The following CSMD1 variants were observed in gnomAD, a reference collection of about 807,000 sequenced individuals.
CSMD1 encodes CUB and sushi domain-containing protein 1.
A neutral mutation model predicts 417.5 loss-of-function variants in CSMD1; 213 were observed. The ratio of observed to expected loss-of-function variants is 0.51; its 90% CI spans 0.46 to 0.57. The LOEUF (loss-of-function observed/expected upper bound fraction) is 0.57, where lower values mean the gene tolerates loss of function less well. Among genes scored for constraint, CSMD1 ranks in the 20% least tolerant of loss-of-function variants. The probability of loss-of-function intolerance (pLI) is 0.00; values close to 1 mark genes in which losing one functional copy is unlikely to be tolerated. For missense variants in CSMD1, 6,923 were observed against 4,529.7 expected (o/e 1.53, Z -15.17); for synonymous variants, 2,862 against 1,736.8 (o/e 1.65, Z -16.11).
chr8:2,943,593 A>G (rs1432344990), intron 68 of CSMD1, among the ~76,000 whole-genome samples: 1 of 152,228 alleles, frequency 6.6e-6, no homozygotes, highest in East Asian at 1.9e-4. Context: ...CATGAAGGTG[A>G]TAGAATCAGC....
intron 2 of CSMD1, among the ~76,000 whole-genome samples, chr8:4,611,765 T>C (rs546271945): frequency 3.9e-5 from 6 of 152,312 alleles, no homozygotes; most frequent in African/African-American, 1.4e-4. Flanking sequence ...ATTCAAAATG[T>C]AGCAAAATTA....
At chr8:4,210,026 T>C (rs539931330) in intron 3 of CSMD1, among the ~76,000 whole-genome samples, 231 of 152,288 alleles carry the variant, frequency 1.5e-3, no homozygotes, top group African/African-American at 5.3e-3. Context: ...GCTAGTTCTC[T>C]ATTTGGTCCA....
At chr8:4,038,781 A>C (rs1328759031) in intron 3 of CSMD1, among the ~76,000 whole-genome samples, 1 of 152,222 alleles carries the variant, frequency 6.6e-6, no homozygotes, top group Non-Finnish European at 1.5e-5. Context: ...TTCTTGAAAG[A>C]GCTCTGGGCA....
At chr8:4,294,137 T>A (rs990918448) in intron 3 of CSMD1, among the ~76,000 whole-genome samples, 3 of 152,174 alleles carry the variant, frequency 2.0e-5, no homozygotes, top group Non-Finnish European at 2.9e-5. Context: ...CACTGACGTC[T>A]GATTAACCCC....
At chr8:3,987,081 T>C (rs1198629162) in intron 5 of CSMD1, among the ~76,000 whole-genome samples, 1 of 152,218 alleles carries the variant, frequency 6.6e-6, no homozygotes, top group East Asian at 1.9e-4. Context: ...TTCTATCATT[T>C]TGTGAAAACG....
chr8:3,493,886 A>G (rs1012849978), intron 10 of CSMD1, among the ~76,000 whole-genome samples, 160 bp from the exon 11 acceptor site: 1 of 152,182 alleles, frequency 6.6e-6, no homozygotes, highest in African/African-American at 2.4e-5. Flanking sequence ...ATAATTATAT[A>G]TATTTGATAG....
rs770519363 is a variant in CSMD1, at chr8:3,188,897, G to A, written c.5513C>T (p.Ser1838Leu). The A allele has an allele frequency of 8.9e-6, 14 of 1,572,608 alleles. No individual in the cohort carries two copies. The East Asian group carries it at 1.2e-4, about 13-fold the overall frequency. The part of the protein sequence containing the change: ...CIWKIIVTEG[S>L]GIQIQVISFA... ...ACTTCAAGGACTCACCTGAATTCCC[G>A]AGCCCTCCGTAACTATGATCTTCCA... Residue 1838 changes from serine to leucine, a missense_variant, in exon 35 of 70, where the codon TCG becomes TTG. Ser to Leu is a moderately radical substitution (Grantham distance 145, BLOSUM62 -2). Coordinates refer to ENST00000635120, the MANE Select transcript of CSMD1 (RefSeq NM_033225.6).
intron 1 of CSMD1, among the ~76,000 whole-genome samples, chr8:4,802,239 T>C (rs1466601609): frequency 2.0e-5 from 3 of 152,172 alleles, no homozygotes; most frequent in Non-Finnish European, 4.4e-5. Flanking sequence ...CTAGTAGTGT[T>C]TGCCCTTTTC....
chr8:4,050,730 G>T (rs183751886), intron 3 of CSMD1, among the ~76,000 whole-genome samples: 1 of 151,998 alleles, frequency 6.6e-6, no homozygotes, highest in African/African-American at 2.4e-5. Flanking sequence ...GTGAGTAAAT[G>T]AATTAAGTCA....
At chr8:3,333,820 T>C (rs1245076554) in intron 23 of CSMD1, among the ~76,000 whole-genome samples, 1 of 152,244 alleles carries the variant, frequency 6.6e-6, no homozygotes, top group Non-Finnish European at 1.5e-5. Context: ...CAGTGAATGC[T>C]ATTCTTTGAA....
chr8:4,660,086 A>G (rs1473478150), intron 1 of CSMD1, among the ~76,000 whole-genome samples: 2 of 149,498 alleles, frequency 1.3e-5, no homozygotes, highest in Non-Finnish European at 3.0e-5. Flanking sequence ...CTCTTATTCA[A>G]TATATAATTG....
At position 4,400,275 on chromosome 8, in the gene CSMD1, A is replaced by G. The variant is rs565649655; in HGVS notation, c.415+19678T>C. 2.3e-3 allele frequency among the ~76,000 whole-genome samples: 344 copies of G among 152,350 alleles called. 2 individuals carry two copies. The highest frequency in any genetic ancestry group is 7.9e-3 in the African/African-American group (329 of 41,582). Reference sequence around the variant, plus strand: ...TGGCTCTCTGGTTTAATGAATTAAAATAAGTAAGATACTAGCAAATGGGAT... The same window carrying G: ...TGGCTCTCTGGTTTAATGAATTAAAGTAAGTAAGATACTAGCAAATGGGAT... On this transcript the variant is annotated intron_variant, in intron 3 of 69. Coordinates refer to ENST00000635120, the MANE Select transcript of CSMD1 (RefSeq NM_033225.6).
chr8:4,374,203 G>C (rs896378116), intron 3 of CSMD1, among the ~76,000 whole-genome samples: 2 of 152,104 alleles, frequency 1.3e-5, no homozygotes, highest in African/African-American at 2.4e-5. Context: ...GGTTAGCTTT[G>C]AGGAAGGATT....
Position 3,108,674 on chromosome 8 carries a change from G to A in CSMD1, c.6683C>T (p.Ser2228Phe). 1.2e-6 allele frequency: 2 copies of A among 1,613,752 alleles called. No individual in the cohort carries two copies. The highest frequency in any genetic ancestry group is 1.7e-6 in the Non-Finnish European group (2 of 1,179,796). ...GAACTTGAGCAGGACTTGGTTGGTGGAGCTATACGCCGTTTCGAGGGCTGT... is the reference window on the plus strand; with the variant it reads ...GAACTTGAGCAGGACTTGGTTGGTGAAGCTATACGCCGTTTCGAGGGCTGT... ...GNTALETAYS[S>F]TNQVLLKFHS... Residue 2228 changes from serine to phenylalanine, a missense_variant, in exon 44 of 70, where the codon TCC (serine) becomes TTC (phenylalanine). Transcript: ENST00000635120.
intron 2 of CSMD1, among the ~76,000 whole-genome samples, chr8:4,466,159 T>C (rs988576651): frequency 3.9e-5 from 6 of 152,190 alleles, no homozygotes; most frequent in African/African-American, 1.4e-4. Context: ...GAGAGAGTCT[T>C]ACTCCGTGGT....
At chr8:3,364,983 G>T (rs975006444) in intron 20 of CSMD1, among the ~76,000 whole-genome samples, 1 of 152,164 alleles carries the variant, frequency 6.6e-6, no homozygotes, top group African/African-American at 2.4e-5. Flanking sequence ...AACACCTGCA[G>T]AAGTGAACTG....
chr8:3,152,466 T>C (rs1311112821), intron 39 of CSMD1, among the ~76,000 whole-genome samples: 2 of 152,242 alleles, frequency 1.3e-5, no homozygotes, highest in African/African-American at 2.4e-5. Flanking sequence ...AAATATTTTC[T>C]GGAAGCCCTC....
chr8:4,177,514 A>C (rs989809802), intron 3 of CSMD1, among the ~76,000 whole-genome samples: 2 of 152,212 alleles, frequency 1.3e-5, no homozygotes, highest in East Asian at 1.9e-4. Flanking sequence ...CATCACAATT[A>C]AAAGAACTAG....
chr8:4,677,840 A>G (rs1439762794), intron 1 of CSMD1, among the ~76,000 whole-genome samples: 3 of 152,188 alleles, frequency 2.0e-5, no homozygotes, highest in African/African-American at 7.2e-5. Flanking sequence ...TGGAGGAGAA[A>G]CGAAGCTGAA....
Sources: allele counts gnomAD v4.1 joint callset (sites outside exome capture counted in the v4.1 genomes callset), GRCh38; gene constraint gnomAD v4.1.1; transcripts MANE v1.5; gene names NCBI Gene and HGNC (gene_info 2026-07-23, HGNC 2026-07-21).